SLC24A2: variants seen among roughly 807,000 people sequenced by gnomAD.
The protein encoded by SLC24A2 is solute carrier family 24 member 2, also known as sodium/potassium/calcium exchanger 2.
Under a neutral mutation model 62.0 loss-of-function variants are expected in SLC24A2, and 36 were observed. That is an observed-to-expected ratio of 0.58 (90% CI 0.44 to 0.77). SLC24A2 has a LOEUF of 0.77. Among genes scored for constraint, SLC24A2 ranks in the 30% least tolerant of loss-of-function variants. SLC24A2 has a pLI of 0.00. For missense variants in SLC24A2, 846 were observed against 817.9 expected (o/e 1.03, Z -0.42); for synonymous variants, 358 against 294.0 (o/e 1.22, Z -2.23).
chr9:20,001,963 T>C, the SLC24A2 span, among the ~76,000 whole-genome samples: 2 of 152,174 alleles, frequency 1.3e-5, no homozygotes, highest in African/African-American at 4.8e-5. Context: ...AAGAATACTG[T>C]TTATGTGAGT....
At chr9:20,234,318 G>A in the SLC24A2 span, among the ~76,000 whole-genome samples, 2 of 152,234 alleles carry the variant, frequency 1.3e-5, no homozygotes, top group South Asian at 2.1e-4. Flanking sequence ...ATCCTGCAGA[G>A]TGTTTTCCAA....
At chr9:19,795,912 C>T in the SLC24A2 span, among the ~76,000 whole-genome samples, 1 of 147,412 alleles carries the variant, frequency 6.8e-6, no homozygotes, top group Non-Finnish European at 1.5e-5. Flanking sequence ...AAATGTGGCA[C>T]ATATACACCA....
chr9:19,790,038 A>G (rs1451371736), upstream of SLC24A2, among the ~76,000 whole-genome samples: 1 of 151,498 alleles, frequency 6.6e-6, no homozygotes, highest in Admixed American at 6.6e-5. Flanking sequence ...AGCCTAGGGA[A>G]CTTAGAAATA....
the SLC24A2 span, among the ~76,000 whole-genome samples, chr9:19,832,311 T>C: frequency 6.6e-6 from 1 of 152,250 alleles, no homozygotes; most frequent in Admixed American, 6.5e-5. Flanking sequence ...TACTTCAAGT[T>C]GTATCAGTGA....
chr9:19,938,630 A>C, the SLC24A2 span, among the ~76,000 whole-genome samples: 1 of 152,180 alleles, frequency 6.6e-6, no homozygotes, highest in African/African-American at 2.4e-5. Flanking sequence ...CTCTTTTCCT[A>C]TTTTAACACT....
chr9:20,237,444 T>A, the SLC24A2 span, among the ~76,000 whole-genome samples: 8 of 152,154 alleles, frequency 5.3e-5, no homozygotes, highest in African/African-American at 1.7e-4. Context: ...CTAGCATTCA[T>A]GCTCTCTGCA....
chr9:19,716,010 T>C (rs1820850283), intron 2 of SLC24A2, among the ~76,000 whole-genome samples: 1 of 152,144 alleles, frequency 6.6e-6, no homozygotes, highest in Admixed American at 6.5e-5. Context: ...TAACAATATA[T>C]GGGCAAAATA....
chr9:19,637,531 A>G (rs368749953), intron 2 of SLC24A2, among the ~76,000 whole-genome samples: 269 of 152,376 alleles, frequency 1.8e-3, no homozygotes, highest in Middle Eastern at 0.01. Flanking sequence ...AAAACAAATA[A>G]GAAAAAGTCT....
chr9:20,042,146 G>A, the SLC24A2 span, among the ~76,000 whole-genome samples: 1 of 152,196 alleles, frequency 6.6e-6, no homozygotes, highest in East Asian at 1.9e-4. Context: ...GGGGTCAAGA[G>A]GGCACAGCTC....
the SLC24A2 span, among the ~76,000 whole-genome samples, chr9:19,920,134 T>C: frequency 6.6e-6 from 1 of 152,136 alleles, no homozygotes; most frequent in Non-Finnish European, 1.5e-5. Flanking sequence ...ATATATTTCC[T>C]TTTTTTGAAG....
the SLC24A2 span, among the ~76,000 whole-genome samples, chr9:19,827,068 G>A: frequency 6.6e-6 from 1 of 152,074 alleles, no homozygotes; most frequent in Admixed American, 6.5e-5. Context: ...CACACACTCA[G>A]CTCTAACCCA....
chr9:20,065,336 G>T, the SLC24A2 span, among the ~76,000 whole-genome samples: 3 of 152,174 alleles, frequency 2.0e-5, no homozygotes, highest in Non-Finnish European at 4.4e-5. Flanking sequence ...AGCACAACAG[G>T]CTGGGACAGG....
At chr9:19,940,450 A>G in the SLC24A2 span, among the ~76,000 whole-genome samples, 247 of 152,302 alleles carry the variant, frequency 1.6e-3, 7 homozygotes, top group East Asian at 0.046. Flanking sequence ...GACCTTAGGT[A>G]AATTGTATGT....
the SLC24A2 span, among the ~76,000 whole-genome samples, chr9:20,290,920 G>C: frequency 2.0e-5 from 3 of 152,264 alleles, no homozygotes; most frequent in East Asian, 1.9e-4. Flanking sequence ...ACCTAGCATT[G>C]ACCCATATGG....
At chr9:19,613,024 A>G (rs545458355) in intron 4 of SLC24A2, among the ~76,000 whole-genome samples, 2 of 152,294 alleles carry the variant, frequency 1.3e-5, no homozygotes, top group African/African-American at 4.8e-5. Context: ...GGGCCTTGGT[A>G]TTTATCCATG....
the SLC24A2 span, among the ~76,000 whole-genome samples, chr9:20,236,310 C>T: frequency 6.6e-6 from 1 of 152,152 alleles, no homozygotes; most frequent in Non-Finnish European, 1.5e-5. Flanking sequence ...ATATTCAAGA[C>T]AGATACATAC....
At chr9:19,735,686 T>G (rs537257503) in intron 2 of SLC24A2, among the ~76,000 whole-genome samples, 7 of 152,202 alleles carry the variant, frequency 4.6e-5, no homozygotes, top group African/African-American at 7.2e-5. Flanking sequence ...CCATAAAAAA[T>G]GATGAGTTCA....
chr9:19,662,575 G>C (rs1587116543), intron 2 of SLC24A2, among the ~76,000 whole-genome samples: 1 of 152,160 alleles, frequency 6.6e-6, no homozygotes, highest in Non-Finnish European at 1.5e-5. Flanking sequence ...ACAAGCCCTT[G>C]GACAGAGACG....
chr9:19,612,698 T>C (rs533381203), intron 4 of SLC24A2, among the ~76,000 whole-genome samples: 34 of 152,288 alleles, frequency 2.2e-4, no homozygotes, highest in African/African-American at 7.9e-4. Flanking sequence ...GCTCATTCAC[T>C]GCTCATAGTT....
Sources: gnomAD v4.1 joint callset for allele counts (sites outside exome capture counted in the v4.1 genomes callset) on GRCh38, gnomAD v4.1.1 for gene constraint, MANE v1.5 for transcripts, NCBI Gene and HGNC (gene_info 2026-07-23, HGNC 2026-07-21) for gene names.